NF1: variants seen among roughly 807,000 people sequenced by gnomAD.
NF1 encodes the protein neurofibromin 1.
Under a neutral mutation model 325.7 loss-of-function variants are expected in NF1, and 122 were observed. That is an observed-to-expected ratio of 0.37 (90% CI 0.32 to 0.44). The LOEUF is 0.44. Among genes scored for constraint, NF1 ranks in the 20% least tolerant of loss-of-function variants. The probability of loss-of-function intolerance (pLI) is 1.00; values close to 1 mark genes in which losing one functional copy is unlikely to be tolerated. For missense variants in NF1, 2,140 were observed against 3,415.4 expected, an observed-to-expected ratio of 0.63 and a Z score of 9.31; for synonymous variants, 1,091 against 1,186.0, an observed-to-expected ratio of 0.92 and a Z score of 1.65.
chr17:31,167,316 A>G (rs1383595183), intron 4 of NF1, among the ~76,000 whole-genome samples: 1 of 152,300 alleles, frequency 6.6e-6, no homozygotes, highest in East Asian at 1.9e-4. Context: ...TACCCTGATG[A>G]TAGGAAGAGA....
At chr17:31,160,916 C>T (rs1199460540) in intron 3 of NF1, among the ~76,000 whole-genome samples, 1 of 152,086 alleles carries the variant, frequency 6.6e-6, no homozygotes, top group Non-Finnish European at 1.5e-5. Context: ...TTGCCGTGCT[C>T]TACTGTTGAA....
chr17:31,352,436 A>G (rs1316638360), intron 51 of NF1, 22 bp downstream of exon 51: 1 of 1,537,516 alleles, frequency 6.5e-7, no homozygotes, highest in Admixed American at 2.0e-5. Context: ...TAAATTATGT[A>G]GATTTTTTTT....
At chr17:31,119,076 G>T (rs1273793137) in intron 1 of NF1, among the ~76,000 whole-genome samples, 1 of 151,974 alleles carries the variant, frequency 6.6e-6, no homozygotes, top group African/African-American at 2.4e-5. Flanking sequence ...CCACTAGCTG[G>T]GATTACAGGT....
At chr17:31,323,368 C>T (rs1172052365) in intron 36 of NF1, among the ~76,000 whole-genome samples, 3 of 151,558 alleles carry the variant, frequency 2.0e-5, no homozygotes, top group East Asian at 1.9e-4. Flanking sequence ...GAGCTGTGAC[C>T]GTGCCACTGC....
intron 36 of NF1, among the ~76,000 whole-genome samples, chr17:31,299,165 T>C (rs1383064911): frequency 6.6e-6 from 1 of 152,108 alleles, no homozygotes. Flanking sequence ...CATTTCAATA[T>C]ATTTGAATTC....
At chr17:31,117,531 G>GGC (rs1393337287) in intron 1 of NF1, among the ~76,000 whole-genome samples, 1 of 150,898 alleles carries the variant, frequency 6.6e-6, no homozygotes, top group Non-Finnish European at 1.5e-5. Flanking sequence ...AAATTAGCTG[G>GGC]GCGTGGTGGC....
At chr17:31,230,565 C>T (rs1436109118) in intron 23 of NF1, among the ~76,000 whole-genome samples, 183 bp downstream of exon 23, 1 of 152,160 alleles carries the variant, frequency 6.6e-6, no homozygotes, top group African/African-American at 2.4e-5. Flanking sequence ...TGACAATGCT[C>T]CCTTTTTCTA....
At chr17:31,275,193 C>A (rs1465564849) in intron 36 of NF1, among the ~76,000 whole-genome samples, 1 of 152,102 alleles carries the variant, frequency 6.6e-6, no homozygotes. Context: ...TAATAATAGC[C>A]CCCTCTTATC....
intron 12 of NF1, among the ~76,000 whole-genome samples, chr17:31,208,444 A>C (rs1410111940): frequency 4.6e-5 from 7 of 152,058 alleles, no homozygotes; most frequent in Admixed American, 4.6e-4. Context: ...GTGAGTTAAC[A>C]GTCAGATAAC....
At chr17:31,313,678 C>A (rs1211229676) in intron 36 of NF1, among the ~76,000 whole-genome samples, 1 of 148,598 alleles carries the variant, frequency 6.7e-6, no homozygotes, top group African/African-American at 2.5e-5. Flanking sequence ...TGCACTCCAG[C>A]CTGGGAGACA....
chr17:31,143,657 T>G (rs2143547422), intron 1 of NF1, among the ~76,000 whole-genome samples: 1 of 152,332 alleles, frequency 6.6e-6, no homozygotes, highest in South Asian at 2.1e-4. Context: ...TTCTTTACCA[T>G]TGATTTGAAA....
At chr17:31,198,787 G>T (rs756232127) in intron 8 of NF1, among the ~76,000 whole-genome samples, 5 of 151,914 alleles carry the variant, frequency 3.3e-5, no homozygotes, top group Non-Finnish European at 7.4e-5. Flanking sequence ...TGTAATTTTT[G>T]TCTTCTTTAC....
chr17:31,297,624 C>T (rs1251585034), intron 36 of NF1: 2 of 152,074 alleles, frequency 1.3e-5, no homozygotes, highest in African/African-American at 4.8e-5. Context: ...GGATAGTTTT[C>T]TATGATATTA....
At chr17:31,338,988 T>C (rs1228452235) in intron 46 of NF1, among the ~76,000 whole-genome samples, 183 bp downstream of exon 46, 2 of 152,226 alleles carry the variant, frequency 1.3e-5, no homozygotes, top group Admixed American at 1.3e-4. Context: ...AGAGTAAGTA[T>C]GGATAGTATG....
rs1341440227 is a variant in NF1 at position 31,326,864 on chromosome 17, T to C, written c.5268+612T>C. Among the ~76,000 whole-genome samples, 4 of 152,312 alleles carry C rather than the reference T, an allele frequency of 2.6e-5. No homozygotes were observed. In the East Asian group the frequency reaches 7.7e-4, roughly 29 times the overall value. On this transcript the variant is annotated intron_variant, in intron 37 of 57. Coordinates refer to ENST00000358273, the MANE Select transcript of NF1 (RefSeq NM_001042492.3). ...AGAGTTCTGATTATTACATGCTTTT[T>C]TCAGAGTGAGGAACATGAACCTTCA...
chr17:31,283,424 C>CA lies in NF1; in HGVS notation c.4835+18088dup, dbSNP rs199723798. On this transcript the variant is annotated intron_variant, in intron 36 of 57. Transcript: ENST00000358273. ...AGAGTGAGACTCCATCTCAAAAAAA[C>CA]AAACAAAAAAAAACACTAATTACCA... Among the ~76,000 whole-genome samples, 370 of 110,842 alleles carry CA rather than the reference C, an allele frequency of 3.3e-3. 2 individuals are homozygous for CA. Among genetic ancestry groups the CA allele is most frequent in the East Asian group, 3.2e-3 (11 of 3,482 alleles). 72.7% of individuals were successfully genotyped at this position (110,842 alleles called of 152,430 possible).
At chr17:31,140,146 C>T (rs528332857) in intron 1 of NF1, among the ~76,000 whole-genome samples, 1 of 152,314 alleles carries the variant, frequency 6.6e-6, no homozygotes, top group Non-Finnish European at 1.5e-5. Context: ...TCTAGCACAA[C>T]AGTGGATATT....
At chr17:31,294,397 C>A (rs77568419) in intron 36 of NF1, among the ~76,000 whole-genome samples, 2,890 of 152,228 alleles carry the variant, frequency 0.019, 103 homozygotes, top group African/African-American at 0.066. Flanking sequence ...TATAATCTGT[C>A]AAGTAGCCAA....
At chr17:31,157,810 A>AC (rs2065691363) in intron 2 of NF1, among the ~76,000 whole-genome samples, 2 of 151,430 alleles carry the variant, frequency 1.3e-5, no homozygotes, top group South Asian at 4.2e-4. Flanking sequence ...AAAAAAAAAA[A>AC]AAAAACTTAG....
Sources: gnomAD v4.1 joint callset for allele counts (sites outside exome capture counted in the v4.1 genomes callset) on GRCh38, gnomAD v4.1.1 for gene constraint, MANE v1.5 for transcripts, NCBI Gene and HGNC (gene_info 2026-07-23, HGNC 2026-07-21) for gene names.